Variants in MAEL observed in about 807,000 individuals in gnomAD.
The protein encoded by MAEL is protein maelstrom homolog.
Under a neutral mutation model 62.0 loss-of-function variants are expected in MAEL, and 46 were observed. The ratio of observed to expected loss-of-function variants is 0.74; its 90% CI spans 0.59 to 0.95. The LOEUF (loss-of-function observed/expected upper bound fraction) is 0.95. MAEL is among the 40% of genes least tolerant of loss of function. MAEL has a pLI of 0.00. For missense variants in MAEL, 497 were observed against 526.8 expected, an observed-to-expected ratio of 0.94 and a Z score of 0.55; for synonymous variants, 172 against 175.5, an observed-to-expected ratio of 0.98 and a Z score of 0.16.
intron 8 of MAEL, among the ~76,000 whole-genome samples, chr1:167,012,991 C>T (rs531462486): frequency 6.6e-6 from 1 of 152,226 alleles, no homozygotes; most frequent in African/African-American, 2.4e-5. Context: ...AGTCAGTAGA[C>T]CTTGCTGATG....
At chr1:167,008,439 A>C (rs1392422398) in intron 8 of MAEL, among the ~76,000 whole-genome samples, 1 of 151,916 alleles carries the variant, frequency 6.6e-6, no homozygotes, top group African/African-American at 2.4e-5. Flanking sequence ...GGTCTCTTAA[A>C]ATTTTTTTAA....
At chr1:166,985,695 C>G (rs529820883), upstream of MAEL, among the ~76,000 whole-genome samples, 1 of 152,234 alleles carries the variant, frequency 6.6e-6, no homozygotes, top group East Asian at 1.9e-4. Context: ...CAAAACAAAG[C>G]CCAAAAATGT....
intron 1 of MAEL, 45 bp downstream of exon 1, chr1:166,989,529 A>T (rs1451269701): frequency 6.4e-7 from 1 of 1,566,946 alleles, no homozygotes; most frequent in East Asian, 2.3e-5. Flanking sequence ...GCAGTTGGGC[A>T]AGCCGGAGGG....
At chr1:167,006,636 T>TATATATAC (rs1557982563) in intron 8 of MAEL, among the ~76,000 whole-genome samples, 11 of 92,330 alleles carry the variant, frequency 1.2e-4, no homozygotes, top group South Asian at 3.2e-4. Flanking sequence ...TATATATATA[T>TATATATAC]ACATTTTTTT....
chr1:166,983,858 T>C (rs1222653175), intron 1 of MAEL, among the ~76,000 whole-genome samples: 1 of 151,724 alleles, frequency 6.6e-6, no homozygotes, highest in Non-Finnish European at 1.5e-5. Flanking sequence ...AAAAATTAGC[T>C]GGGCATGGTG....
intron 8 of MAEL, among the ~76,000 whole-genome samples, chr1:167,011,477 A>G (rs1261378579): frequency 6.6e-6 from 1 of 152,144 alleles, no homozygotes; most frequent in Non-Finnish European, 1.5e-5. Context: ...TTCATTGTCC[A>G]TGTTTTTATA....
At chr1:166,996,234 T>G (rs1664419854) in intron 5 of MAEL, among the ~76,000 whole-genome samples, 1 of 152,230 alleles carries the variant, frequency 6.6e-6, no homozygotes, top group African/African-American at 2.4e-5. Flanking sequence ...CAAATTTACA[T>G]GTGGATGTGA....
chr1:166,989,599 A>T, intron 1 of MAEL, 115 bp downstream of exon 1: 1 of 1,485,554 alleles, frequency 6.7e-7, no homozygotes, highest in Non-Finnish European at 9.1e-7. Flanking sequence ...CCAGAGGAAG[A>T]GGAAGGCCCC....
intron 1 of MAEL, among the ~76,000 whole-genome samples, chr1:166,980,687 T>G (rs900787892): frequency 6.6e-6 from 1 of 152,120 alleles, no homozygotes; most frequent in African/African-American, 2.4e-5. Flanking sequence ...CTGTCTCCAG[T>G]TTTTGCTTTT....
chr1:166,990,052 G>A, intron 2 of MAEL: 1 of 504,042 alleles, frequency 2.0e-6, no homozygotes, highest in Non-Finnish European at 3.5e-6. Flanking sequence ...GATGGTGAAA[G>A]GCCTGGGGAA....
Position 167,006,636 on chromosome 1 carries a change from T to C in MAEL, c.845+1239T>C, listed in dbSNP as rs1443452915. On this transcript the variant is annotated intron_variant, in intron 8 of 11. Transcript: ENST00000367872. The stretch of plus-strand genomic sequence containing the variant: ...ATATATATATATATATATATATATA[T>C]ACATTTTTTTTTTTTTTGAGACAGA... 1.9e-3 allele frequency among the ~76,000 whole-genome samples: 173 copies of C among 92,284 alleles called. 3 individuals are homozygous for C. Among genetic ancestry groups the C allele is most frequent in the Middle Eastern group, 5.7e-3 (1 of 176 alleles). 60.5% of individuals were successfully genotyped at this position (92,284 alleles called of 152,430 possible). A position where few individuals can be genotyped will look rare whatever the true frequency, so the allele number is the denominator to read the frequency against.
chr1:166,994,997 G>C (rs1303534536), intron 5 of MAEL, among the ~76,000 whole-genome samples: 1 of 34,806 alleles, frequency 2.9e-5, no homozygotes. Context: ...TTTTTTTTTT[G>C]CTTAGAAACG....
chr1:167,019,818 G>A (rs1665550513), intron 10 of MAEL, among the ~76,000 whole-genome samples: 1 of 152,036 alleles, frequency 6.6e-6, no homozygotes, highest in African/African-American at 2.4e-5. Context: ...AGACTCCTGA[G>A]TTGGTTCCCC....
intron 5 of MAEL, among the ~76,000 whole-genome samples, chr1:166,998,641 C>T (rs1247398773): frequency 2.0e-5 from 3 of 152,178 alleles, no homozygotes; most frequent in Non-Finnish European, 4.4e-5. Context: ...TCCCCACCCC[C>T]GTTTTTGGTG....
chr1:166,998,381 A>G (rs963804694), intron 5 of MAEL, among the ~76,000 whole-genome samples: 1 of 152,204 alleles, frequency 6.6e-6, no homozygotes, highest in Non-Finnish European at 1.5e-5. Context: ...TGCTGTTACA[A>G]ATGATATCCC....
chr1:166,986,945 CGTGTGTGTGTGTGTGT>C (rs58393275), upstream of MAEL, among the ~76,000 whole-genome samples: 1 of 147,030 alleles, frequency 6.8e-6, no homozygotes, highest in Non-Finnish European at 1.5e-5. Context: ...AGGAAGGGGA[CGTGTGTGTGTGTGTGT>C]GTGTGTGTGT....
chr1:166,978,939 G>A (rs957330307), intron 1 of MAEL, among the ~76,000 whole-genome samples: 1 of 152,218 alleles, frequency 6.6e-6, no homozygotes, highest in Non-Finnish European at 1.5e-5. Flanking sequence ...GGGATTGTAT[G>A]TGGTGGGGGG....
At chr1:166,975,772 G>A (rs919690407) in intron 1 of MAEL, 10 of 152,088 alleles carry the variant, frequency 6.6e-5, no homozygotes, top group African/African-American at 2.4e-4. Flanking sequence ...AGCGGGGAGC[G>A]ACCATCGCGG....
chr1:166,989,309 G>T lies in MAEL; in HGVS notation c.-44G>T, dbSNP rs772250307. The T allele has an allele frequency of 2.1e-5, 33 of 1,586,160 alleles. No individual in the cohort carries two copies. The highest frequency in any genetic ancestry group is 2.7e-5 in the Non-Finnish European group (31 of 1,165,082). On this transcript the variant is annotated 5_prime_UTR_variant, in exon 1 of 12. Transcript: ENST00000367872. ...AGGGCGGGAGCCCGGCGAGGGCGCC[G>T]GTGCTTTGTTCTGTCTGAGGCCAGG...
Sources: gnomAD v4.1 joint callset for allele counts (sites outside exome capture counted in the v4.1 genomes callset) on GRCh38, gnomAD v4.1.1 for gene constraint, MANE v1.5 for transcripts, NCBI Gene and HGNC (gene_info 2026-07-23, HGNC 2026-07-21) for gene names.